Variants in FAM120B observed in about 807,000 individuals in gnomAD.
The protein encoded by FAM120B is constitutive coactivator of peroxisome proliferator-activated receptor gamma.
A neutral mutation model predicts 96.3 loss-of-function variants in FAM120B; 83 were observed. The observed-to-expected ratio is 0.86, with a 90% CI of 0.72 to 1.03. FAM120B has a LOEUF of 1.03. Among genes scored for constraint, FAM120B ranks in the 50% least tolerant of loss-of-function variants. FAM120B has a pLI of 0.00. For synonymous variants in FAM120B, 407 were observed against 402.7 expected, an observed-to-expected ratio of 1.01 and a Z score of -0.13; for missense variants, 1,027 against 1,121.2, an observed-to-expected ratio of 0.92 and a Z score of 1.20.
chr6:170,331,406 T>C (rs1386936515), intron 4 of FAM120B, among the ~76,000 whole-genome samples: 4 of 152,240 alleles, frequency 2.6e-5, no homozygotes, highest in African/African-American at 7.2e-5. Context: ...CTATAATTGG[T>C]TTTTAAATAA....
upstream of FAM120B, among the ~76,000 whole-genome samples, chr6:170,293,429 C>T (rs940196081): frequency 3.9e-5 from 6 of 152,126 alleles, no homozygotes; most frequent in South Asian, 1.2e-3. Context: ...GGGAAAAAGA[C>T]TTGCCCCAAA....
chr6:170,350,338 C>T (rs780612548), intron 5 of FAM120B, among the ~76,000 whole-genome samples: 14 of 152,186 alleles, frequency 9.2e-5, no homozygotes, highest in Admixed American at 2.0e-4. Context: ...GGAAGAGGGA[C>T]GGCCACAGTT....
At chr6:170,360,691 C>G (rs1788298262) in intron 6 of FAM120B, among the ~76,000 whole-genome samples, 1 of 152,128 alleles carries the variant, frequency 6.6e-6, no homozygotes, top group South Asian at 2.1e-4. Flanking sequence ...TTGGTTCCTT[C>G]TGAGAATTGT....
At chr6:170,321,372 G>GC (rs1785275131) in intron 2 of FAM120B, among the ~76,000 whole-genome samples, 1 of 152,150 alleles carries the variant, frequency 6.6e-6, no homozygotes, top group African/African-American at 2.4e-5. Context: ...CTCTATGTCA[G>GC]CATTTTGGAA....
chr6:170,322,671 T>G (rs1015242380), intron 2 of FAM120B, among the ~76,000 whole-genome samples: 1 of 152,102 alleles, frequency 6.6e-6, no homozygotes, highest in African/African-American at 2.4e-5. Context: ...TTCAAATGTT[T>G]TGAATAGGGT....
chr6:170,322,645 G>T (rs1583198527), intron 2 of FAM120B, among the ~76,000 whole-genome samples: 2 of 152,076 alleles, frequency 1.3e-5, no homozygotes, highest in South Asian at 4.1e-4. Flanking sequence ...TTATGGTGAA[G>T]GATTTGTGGT....
chr6:170,329,807 A>C (rs1389475252), intron 3 of FAM120B, among the ~76,000 whole-genome samples: 1 of 151,990 alleles, frequency 6.6e-6, no homozygotes, highest in African/African-American at 2.4e-5. Context: ...TCTTTTATAG[A>C]AGTGTCCACT....
chr6:170,403,381 G>A (rs1332686227), intron 9 of FAM120B, among the ~76,000 whole-genome samples: 2 of 152,290 alleles, frequency 1.3e-5, no homozygotes, highest in East Asian at 3.9e-4. Flanking sequence ...GGTATTTCTT[G>A]AAGATATTAA....
rs147205762 is a variant in FAM120B at position 170,368,824 on chromosome 6, G to GA, written c.2283+10506_2283+10507insA. ...AGCTCTGCTGTCTGCCGGGGCTGGGGGGGGGGCTCCCTCCTGGCTTGCAGG... is the reference window on the plus strand; with the variant it reads ...AGCTCTGCTGTCTGCCGGGGCTGGGGAGGGGGGCTCCCTCCTGGCTTGCAGG... On this transcript the variant is annotated intron_variant, in intron 6 of 10. Coordinates refer to ENST00000476287, the MANE Select transcript of FAM120B (RefSeq NM_032448.3). 3.0e-3 allele frequency among the ~76,000 whole-genome samples: 339 copies of GA among 112,792 alleles called. 2 individuals carry two copies. The highest frequency in any genetic ancestry group is 0.012 in the Admixed American group (137 of 11,802). The allele number at this position is 112,792 out of a possible 152,430, so 74.0% of individuals were successfully genotyped here.
At position 170,318,874 on chromosome 6, in the gene FAM120B, A is replaced by C. The variant is rs1420481602; in HGVS notation, c.1484A>C (p.Gln495Pro). Residue 495 changes from glutamine to proline, a missense_variant, in exon 2 of 11, where the codon CAA becomes CCA. By Grantham distance (76) the Gln-to-Pro change is moderately conservative. Transcript: ENST00000476287. ...VLIRTDPESR[Q>P]EIMCTGHESK... The stretch of plus-strand genomic sequence containing the variant: ...ATACGGACAGACCCTGAATCTAGGC[A>C]AGAAATTATGTGTACAGGCCATGAA... The C allele has an allele frequency of 1.9e-6, 3 of 1,614,150 alleles. No individual in the cohort carries two copies. Among genetic ancestry groups the C allele is most frequent in the Non-Finnish European group, 2.5e-6 (3 of 1,180,062 alleles).
chr6:170,329,882 C>T (rs1785890910), intron 3 of FAM120B, among the ~76,000 whole-genome samples: 1 of 152,172 alleles, frequency 6.6e-6, no homozygotes, highest in Non-Finnish European at 1.5e-5. Flanking sequence ...TCTTTCTGCC[C>T]CGCATCGAAG....
intron 7 of FAM120B, among the ~76,000 whole-genome samples, chr6:170,389,163 T>G (rs544944784): frequency 6.6e-6 from 1 of 152,194 alleles, no homozygotes; most frequent in African/African-American, 2.4e-5. Context: ...TGTTCAAGGG[T>G]CAGCTGTACA....
At position 170,342,811 on chromosome 6, in the gene FAM120B, C is replaced by CT. The variant is rs770247833; in HGVS notation, c.2018-5339dup. Reference sequence around the variant, plus strand: ...GGGGACCAGATTGCTTGTTTTGTCTCTAAGTTCTTGTTGGAAACATCTCAG... The same window carrying CT: ...GGGGACCAGATTGCTTGTTTTGTCTCTTAAGTTCTTGTTGGAAACATCTCAG... On this transcript the variant is annotated intron_variant, in intron 4 of 10. Transcript: ENST00000476287. 2.0e-4 allele frequency among the ~76,000 whole-genome samples: 30 copies of CT among 152,206 alleles called. 2 individuals carry two copies. Among genetic ancestry groups the CT allele is most frequent in the East Asian group, 1.3e-3 (7 of 5,200 alleles).
chr6:170,368,505 T>G (rs1235807675), intron 6 of FAM120B, among the ~76,000 whole-genome samples: 1 of 152,220 alleles, frequency 6.6e-6, no homozygotes, highest in African/African-American at 2.4e-5. Context: ...CTTTACCGAT[T>G]AAATCCCTAA....
intron 7 of FAM120B, among the ~76,000 whole-genome samples, chr6:170,388,941 A>T (rs80018545): frequency 0.016 from 2,433 of 152,322 alleles, 102 homozygotes; most frequent in East Asian, 0.11. Context: ...TATATACTGT[A>T]TTCTTACAAT....
At chr6:170,390,140 G>A (rs995129044) in intron 7 of FAM120B, among the ~76,000 whole-genome samples, 2 of 152,168 alleles carry the variant, frequency 1.3e-5, no homozygotes, top group Non-Finnish European at 2.9e-5. Context: ...AGAGCATACC[G>A]GTCTGTCACG....
chr6:170,359,308 G>T (rs892955411), intron 6 of FAM120B, among the ~76,000 whole-genome samples: 4 of 151,664 alleles, frequency 2.6e-5, no homozygotes, highest in African/African-American at 7.3e-5. Context: ...CAATAGAATC[G>T]CTTGAAACTG....
intron 9 of FAM120B, among the ~76,000 whole-genome samples, chr6:170,400,503 C>T (rs1234808712): frequency 2.6e-5 from 4 of 152,078 alleles, no homozygotes; most frequent in South Asian, 2.1e-4. Context: ...TTGTCTCAAG[C>T]GCTGGTTCTG....
chr6:170,350,370 C>T (rs544177205), intron 5 of FAM120B, among the ~76,000 whole-genome samples: 2 of 152,350 alleles, frequency 1.3e-5, no homozygotes, highest in East Asian at 3.9e-4. Flanking sequence ...CCTGCTTCAG[C>T]CTGCCAGCTT....
Sources: allele counts gnomAD v4.1 joint callset (sites outside exome capture counted in the v4.1 genomes callset), GRCh38; gene constraint gnomAD v4.1.1; transcripts MANE v1.5; gene names NCBI Gene and HGNC (gene_info 2026-07-23, HGNC 2026-07-21).